CEP350: variants seen among roughly 807,000 people sequenced by gnomAD.
CEP350 encodes centrosome-associated protein 350.
In CEP350, 126 loss-of-function variants were observed where a neutral mutation model predicts 331.8. That is an observed-to-expected ratio of 0.38 (90% CI 0.33 to 0.44). CEP350 has a LOEUF of 0.44. Among genes scored for constraint, CEP350 ranks in the 20% least tolerant of loss-of-function variants. The pLI is 1.00. For missense variants in CEP350, 3,406 were observed against 3,634.6 expected (o/e 0.94, Z 1.62); for synonymous variants, 1,200 against 1,259.5 (o/e 0.95, Z 1.00).
At chr1:180,033,046 T>A (rs1380268858) in intron 15 of CEP350, among the ~76,000 whole-genome samples, 2 of 152,122 alleles carry the variant, frequency 1.3e-5, no homozygotes, top group Non-Finnish European at 2.9e-5. Flanking sequence ...ATTTCATCAT[T>A]TTATTAGAAG....
chr1:180,051,742 G>C (rs753894869), intron 22 of CEP350, among the ~76,000 whole-genome samples: 3 of 152,224 alleles, frequency 2.0e-5, no homozygotes, highest in Non-Finnish European at 4.4e-5. Flanking sequence ...GGGGGAAAGA[G>C]CTGATCTAAG....
chr1:180,037,136 G>A (rs200808336), intron 17 of CEP350, 47 bp downstream of exon 17: 9 of 1,477,344 alleles, frequency 6.1e-6, no homozygotes, highest in Middle Eastern at 2.4e-4. Context: ...TTTTTTCTTC[G>A]CTATTTAAAA....
intron 4 of CEP350, among the ~76,000 whole-genome samples, chr1:179,991,695 GTGTGTGTGTGTGTATA>G (rs1170995703): frequency 3.9e-5 from 5 of 128,482 alleles, no homozygotes; most frequent in African/African-American, 8.5e-5. Flanking sequence ...GTGTGTGTGT[GTGTGTGTGTGTGTATA>G]TATATATATA....
At chr1:180,079,124 G>C (rs2149078842) in intron 29 of CEP350, among the ~76,000 whole-genome samples, 1 of 151,790 alleles carries the variant, frequency 6.6e-6, no homozygotes, top group South Asian at 2.1e-4. Context: ...AAATTAAGAT[G>C]ATGGCCATTA....
In CEP350 at chr1:180,111,331, C is replaced by G. The variant is rs764364172; in HGVS notation, c.*170C>G. The G allele has an allele frequency of 5.3e-6, 4 of 757,054 alleles. No individual in the cohort carries two copies. The highest frequency in any genetic ancestry group is 6.1e-6 in the Non-Finnish European group (3 of 489,694). The allele number at this position is 757,054 out of a possible 1,614,324, so 46.9% of individuals were successfully genotyped here. A position where few individuals can be genotyped will look rare whatever the true frequency, so the allele number is the denominator to read the frequency against. On this transcript the variant is annotated 3_prime_UTR_variant, in exon 38 of 38. Transcript: ENST00000367607. Reference sequence around the variant, plus strand: ...CAATGTGGTACACCTGGTATTACAGCCTTTGCCTTTCGAGACTATCCACTG... The same window carrying G: ...CAATGTGGTACACCTGGTATTACAGGCTTTGCCTTTCGAGACTATCCACTG...
chr1:180,090,655 T>C, intron 32 of CEP350, 59 bp from the exon 33 acceptor site: 1 of 1,449,090 alleles, frequency 6.9e-7, no homozygotes, highest in African/African-American at 1.4e-5. Context: ...ATGTCTGCTT[T>C]TTGTTACCAG....
At position 180,031,379 on chromosome 1, in the gene CEP350, C is replaced by A; in HGVS notation, c.3610C>A (p.Arg1204Ser). ...ACTTCTTGATGAGGAAAAAGCAGAA[C>A]GTGGCTCCCATCAAGGAAAGAAATC... ...NSLLDEEKAE[R>S]GSHQGKKSGT... Residue 1204 changes from arginine to serine, a missense_variant, in exon 15 of 38, where the codon CGT becomes AGT. Around this residue, in one of 5 missense-constraint regions of CEP350, gnomAD observed 1,857 missense variants for 1,909.2 expected, o/e 0.97. Coordinates refer to ENST00000367607, the MANE Select transcript of CEP350 (RefSeq NM_014810.5). The A allele has an allele frequency of 3.7e-6, 6 of 1,607,934 alleles. No individual in the cohort carries two copies. The highest frequency in any genetic ancestry group is 5.1e-6 in the Non-Finnish European group (6 of 1,175,746).
intron 1 of CEP350, among the ~76,000 whole-genome samples, chr1:179,956,339 A>T (rs1650167260): frequency 6.6e-6 from 1 of 152,222 alleles, no homozygotes; most frequent in Non-Finnish European, 1.5e-5. Context: ...ATGTGGATAA[A>T]TACATGTGTA....
At chr1:180,047,629 GCACATGCCTGTAAT>G (rs1490086578) in intron 21 of CEP350, among the ~76,000 whole-genome samples, 1 of 151,742 alleles carries the variant, frequency 6.6e-6, no homozygotes, top group Non-Finnish European at 1.5e-5. Context: ...AGGTGTTGTG[GCACATGCCTGTAAT>G]CCTAGCTACT....
chr1:179,993,633 A>AGGGTGGTCTTGAACTCATG (rs141698986), intron 5 of CEP350, among the ~76,000 whole-genome samples: 1 of 151,764 alleles, frequency 6.6e-6, no homozygotes, highest in South Asian at 2.1e-4. Context: ...CATATTGCCC[A>AGGGTGGTCTTGAACTCATG]GGGTGGTCTT....
chr1:179,969,284 G>A, intron 1 of CEP350: 1 of 497,006 alleles, frequency 2.0e-6, no homozygotes, highest in Non-Finnish European at 4.0e-6. Flanking sequence ...GCAGGCTGCT[G>A]CTGAAAACGC....
chr1:180,031,599 C>T (rs1656025794), intron 15 of CEP350, 105 bp downstream of exon 15: 4 of 456,056 alleles, frequency 8.8e-6, no homozygotes, highest in Middle Eastern at 1.3e-3. Flanking sequence ...CTTAACTGTG[C>T]ATGTCTGAGC....
intron 19 of CEP350, 59 bp downstream of exon 19, chr1:180,041,861 T>A (rs1656782029): frequency 6.8e-7 from 1 of 1,474,900 alleles, no homozygotes; most frequent in South Asian, 1.2e-5. Context: ...TGAGTAACTT[T>A]GATCTTCAGT....
intron 13 of CEP350, among the ~76,000 whole-genome samples, chr1:180,024,109 A>C (rs937290581): frequency 5.3e-5 from 8 of 151,992 alleles, no homozygotes; most frequent in Non-Finnish European, 1.5e-5. Context: ...TAAGAGGAGA[A>C]ATAGTTATAA....
rs747875539 is a variant in CEP350, at chr1:180,093,372, A to G, written c.7267A>G (p.Thr2423Ala). 2.5e-6 allele frequency: 4 copies of G among 1,600,562 alleles called. No homozygotes were observed. The highest frequency in any genetic ancestry group is 3.4e-6 in the Non-Finnish European group (4 of 1,173,336). Residue 2423 changes from threonine to alanine, a missense_variant, in exon 34 of 38, where the codon ACA (threonine) becomes GCA (alanine). Transcript: ENST00000367607. ...RDKPQPMRSSTSGATSFGSNE... is the reference protein window; with the variant it reads ...RDKPQPMRSSASGATSFGSNE... ...TAAGCCACAGCCAATGAGGAGCTCT[A>G]CAAGTGGAGCCACTAGCTTTGGTAG... is the stretch of plus-strand genomic sequence containing the variant.
chr1:180,048,473 T>A, intron 21 of CEP350, 63 bp from the exon 22 acceptor site: 1 of 1,091,464 alleles, frequency 9.2e-7, no homozygotes. Flanking sequence ...ATAAGTTTAC[T>A]TTGAAGCTAT....
chr1:179,998,866 A>G (rs1653669127), intron 6 of CEP350, among the ~76,000 whole-genome samples: 2 of 150,796 alleles, frequency 1.3e-5, no homozygotes, highest in African/African-American at 4.9e-5. Context: ...GATAATTTGC[A>G]TTTCATTCTA....
At chr1:180,088,452 G>A (rs1659991222) in intron 32 of CEP350, among the ~76,000 whole-genome samples, 1 of 148,276 alleles carries the variant, frequency 6.7e-6, no homozygotes. Context: ...GCATATCATA[G>A]AAGCTGAACA....
intron 1 of CEP350, among the ~76,000 whole-genome samples, chr1:179,982,669 C>T (rs922115035): frequency 1.3e-5 from 2 of 152,048 alleles, no homozygotes; most frequent in Admixed American, 6.5e-5. Context: ...AGTTTTAAAG[C>T]AAAAAGATAT....
Sources: gnomAD v4.1 joint callset for allele counts (sites outside exome capture counted in the v4.1 genomes callset) on GRCh38, gnomAD v4.1.1 for gene constraint, gnomAD v4.1.1 regional missense constraint, MANE v1.5 for transcripts, NCBI Gene and HGNC (gene_info 2026-07-23, HGNC 2026-07-21) for gene names.